The following MINDY3 variants were observed in gnomAD, a reference collection of about 807,000 sequenced individuals.
The protein encoded by MINDY3 is MINDY lysine 48 deubiquitinase 3.
A neutral mutation model predicts 69.2 loss-of-function variants in MINDY3; 38 were observed. The ratio of observed to expected loss-of-function variants is 0.55; its 90% CI spans 0.42 to 0.72. MINDY3 has a LOEUF of 0.72. Ranked by LOEUF, MINDY3 falls within the 30% of genes least tolerant of loss-of-function variation. MINDY3 has a pLI of 0.00. For synonymous variants in MINDY3, 192 were observed against 180.1 expected, an observed-to-expected ratio of 1.07 and a Z score of -0.53; for missense variants, 522 against 519.0, an observed-to-expected ratio of 1.01 and a Z score of -0.06.
rs368901957 is a variant in MINDY3, at chr10:15,847,858, T to C, written c.174+6A>G. 9.3e-6 allele frequency: 15 copies of C among 1,610,874 alleles called. No homozygotes were observed. Among genetic ancestry groups the C allele is most frequent in the African/African-American group, 4.0e-5 (3 of 74,866 alleles). On this transcript the variant is annotated splice_donor_region_variant and intron_variant, in intron 2 of 14. Coordinates refer to ENST00000277632, the MANE Select transcript of MINDY3 (RefSeq NM_024948.4). ...TCTAAGGAGTTGGTAAAGGAGTCTA[T>C]GTTACCTGAACAGGTGCAATAACAG... is the stretch of plus-strand genomic sequence containing the variant.
intron 10 of MINDY3, among the ~76,000 whole-genome samples, chr10:15,809,903 A>C (rs1838883143): frequency 6.6e-6 from 1 of 152,160 alleles, no homozygotes; most frequent in Non-Finnish European, 1.5e-5. Flanking sequence ...AATATGATTT[A>C]TAAAACATGG....
intron 10 of MINDY3, among the ~76,000 whole-genome samples, chr10:15,796,999 G>C (rs751137383): frequency 6.6e-5 from 10 of 152,044 alleles, no homozygotes; most frequent in Non-Finnish European, 1.2e-4. Flanking sequence ...CGTCATCAGA[G>C]GGTAAGTTTC....
At chr10:15,826,366 G>C (rs914055912) in intron 8 of MINDY3, among the ~76,000 whole-genome samples, 5 of 152,172 alleles carry the variant, frequency 3.3e-5, no homozygotes, top group Non-Finnish European at 7.4e-5. Flanking sequence ...AGAAGCAAAA[G>C]ATGGTTTCAA....
At chr10:15,818,877 G>A (rs1240184098) in intron 9 of MINDY3, among the ~76,000 whole-genome samples, 1 of 152,082 alleles carries the variant, frequency 6.6e-6, no homozygotes, top group Admixed American at 6.6e-5. Flanking sequence ...TCCTTTTGTG[G>A]GTAAGGAAAA....
At chr10:15,849,249 A>G (rs751221043) in intron 1 of MINDY3, among the ~76,000 whole-genome samples, 1 of 152,158 alleles carries the variant, frequency 6.6e-6, no homozygotes, top group Non-Finnish European at 1.5e-5. Context: ...AATTAAAGCA[A>G]AAAGGTTTTC....
Position 15,823,218 on chromosome 10 carries a change from A to C in MINDY3, c.731-1492T>G, listed in dbSNP as rs575606177. 9.8e-5 allele frequency among the ~76,000 whole-genome samples: 15 copies of C among 152,306 alleles called. No homozygotes were observed. The South Asian group carries it at 2.5e-3, about 25-fold the overall frequency. ...ATATACATACAGTTTATACTTTGTC[A>C]CTAGCTTCTTACAGGCACAGATCAG... On this transcript the variant is annotated intron_variant, in intron 8 of 14. Coordinates refer to ENST00000277632, the MANE Select transcript of MINDY3 (RefSeq NM_024948.4).
chr10:15,781,554 C>A (rs539578222), intron 14 of MINDY3, among the ~76,000 whole-genome samples: 1 of 152,030 alleles, frequency 6.6e-6, no homozygotes, highest in Non-Finnish European at 1.5e-5. Context: ...CACCTATGTG[C>A]TTTGTCAACG....
chr10:15,833,850 A>G (rs1246579822), intron 7 of MINDY3, 141 bp from the exon 8 acceptor site: 1 of 639,694 alleles, frequency 1.6e-6, no homozygotes, highest in East Asian at 2.8e-5. Flanking sequence ...TACATTTTCA[A>G]TTTTATATAT....
intron 1 of MINDY3, among the ~76,000 whole-genome samples, chr10:15,851,753 A>G (rs1196242169): frequency 2.0e-5 from 3 of 152,064 alleles, no homozygotes; most frequent in African/African-American, 7.2e-5. Context: ...CAGTTGCCAG[A>G]AAGTATTTTA....
intron 7 of MINDY3, 108 bp downstream of exon 7, chr10:15,834,435 T>G: frequency 1.4e-6 from 1 of 720,554 alleles, no homozygotes; most frequent in Non-Finnish European, 2.4e-6. Context: ...TGTTGTACTG[T>G]CAACACTACT....
At chr10:15,851,588 T>C (rs1241160516) in intron 1 of MINDY3, among the ~76,000 whole-genome samples, 1 of 152,044 alleles carries the variant, frequency 6.6e-6, no homozygotes, top group Non-Finnish European at 1.5e-5. Context: ...CTTCAAGGCT[T>C]CAAAACGTAT....
intron 1 of MINDY3, 57 bp from the exon 2 acceptor site, chr10:15,848,000 G>C (rs373630441): frequency 2.2e-6 from 3 of 1,378,878 alleles, no homozygotes; most frequent in Non-Finnish European, 3.1e-6. Context: ...GCAGCTAAAA[G>C]AATCTTTCAT....
In MINDY3 at chr10:15,813,978, CAAAA is replaced by C. The variant is rs777561427; in HGVS notation, c.882+2853_882+2856del. ...ATAATAAAGCAAACTCACCAAAACT[CAAAA>C]AAAAAAAAAAAAGAAAAAGAAAAAA... On this transcript the variant is annotated intron_variant, in intron 10 of 14. Coordinates refer to ENST00000277632, the MANE Select transcript of MINDY3 (RefSeq NM_024948.4). 4.5e-5 allele frequency among the ~76,000 whole-genome samples: 3 copies of C among 66,332 alleles called. No homozygotes were observed. In the Admixed American group the frequency reaches 4.8e-4, roughly 11 times the overall value. The allele number at this position is 66,332 out of a possible 152,430, so 43.5% of individuals were successfully genotyped here.
intron 11 of MINDY3, among the ~76,000 whole-genome samples, chr10:15,794,348 GA>G (rs922841178): frequency 2.0e-5 from 3 of 151,836 alleles, no homozygotes; most frequent in Admixed American, 6.6e-5. Flanking sequence ...TAAGTGAAAA[GA>G]AAAAAAACTG....
At chr10:15,838,393 C>T in intron 4 of MINDY3, 114 bp from the exon 5 acceptor site, 2 of 780,486 alleles carry the variant, frequency 2.6e-6, no homozygotes, top group South Asian at 3.2e-5. Context: ...TTCCTTACTC[C>T]CTTAAAATTC....
intron 11 of MINDY3, among the ~76,000 whole-genome samples, chr10:15,793,219 C>T (rs1402745280): frequency 6.6e-6 from 1 of 152,122 alleles, no homozygotes. Context: ...TGTGGACTTT[C>T]TCCAAAGCTC....
At chr10:15,798,822 A>C (rs778157684) in intron 10 of MINDY3, among the ~76,000 whole-genome samples, 58 of 152,100 alleles carry the variant, frequency 3.8e-4, no homozygotes, top group Admixed American at 7.2e-4. Context: ...CCAACGTAGA[A>C]AGAAATTAAA....
chr10:15,781,401 T>C (rs987708386), intron 14 of MINDY3, among the ~76,000 whole-genome samples: 2 of 145,762 alleles, frequency 1.4e-5, no homozygotes, highest in Non-Finnish European at 3.0e-5. Context: ...TACATATATA[T>C]TATATATATA....
chr10:15,851,081 A>G (rs1834252143), intron 1 of MINDY3, among the ~76,000 whole-genome samples: 2 of 152,144 alleles, frequency 1.3e-5, no homozygotes, highest in South Asian at 4.2e-4. Flanking sequence ...CAAAGAATCA[A>G]TCTGAAATGC....
Sources: allele counts gnomAD v4.1 joint callset (sites outside exome capture counted in the v4.1 genomes callset), GRCh38; gene constraint gnomAD v4.1.1; transcripts MANE v1.5; gene names NCBI Gene and HGNC (gene_info 2026-07-23, HGNC 2026-07-21).